TRAF3IP2: variants seen among roughly 807,000 people sequenced by gnomAD.
TRAF3IP2 encodes the protein E3 ubiquitin ligase TRAF3IP2.
In TRAF3IP2, 35 loss-of-function variants were observed where a neutral mutation model predicts 57.9. That is an observed-to-expected ratio of 0.60 (90% CI 0.46 to 0.80). The LOEUF (loss-of-function observed/expected upper bound fraction) is 0.80, where lower values mean the gene tolerates loss of function less well. Among genes scored for constraint, TRAF3IP2 ranks in the 30% least tolerant of loss-of-function variants. The pLI, the probability that TRAF3IP2 is intolerant of heterozygous loss-of-function variation, is 0.00. For synonymous variants in TRAF3IP2, 251 were observed against 268.9 expected (o/e 0.93, Z 0.65); for missense variants, 556 against 706.4 (o/e 0.79, Z 2.41).
At chr6:111,563,739 C>T (rs1795531923) in intron 7 of TRAF3IP2, among the ~76,000 whole-genome samples, 1 of 152,150 alleles carries the variant, frequency 6.6e-6, no homozygotes, top group Non-Finnish European at 1.5e-5. Context: ...GTGGTTGGGA[C>T]CAGCTACTAA....
At chr6:111,600,477 G>A (rs1796830383) in intron 1 of TRAF3IP2, 1 of 152,188 alleles carries the variant, frequency 6.6e-6, no homozygotes, top group African/African-American at 2.4e-5. Flanking sequence ...AACAAGTGAT[G>A]GGTGAAGCCA....
intron 6 of TRAF3IP2, 72 bp from the exon 7 acceptor site, chr6:111,566,632 G>T: frequency 1.5e-6 from 2 of 1,292,576 alleles, no homozygotes; most frequent in African/African-American, 1.5e-5. Context: ...TCTGACACAC[G>T]GGGTGGAGGG....
intron 1 of TRAF3IP2, chr6:111,601,868 T>C (rs951410570): frequency 6.6e-6 from 1 of 152,176 alleles, no homozygotes; most frequent in Non-Finnish European, 1.5e-5. Flanking sequence ...TAAAAAAAAA[T>C]CTTTAAACTC....
At chr6:111,575,370 C>T (rs1392262773) in intron 4 of TRAF3IP2, among the ~76,000 whole-genome samples, 2 of 151,840 alleles carry the variant, frequency 1.3e-5, no homozygotes, top group African/African-American at 2.4e-5. Context: ...AGGTGGATCA[C>T]GAGGTGAAGA....
intron 5 of TRAF3IP2, among the ~76,000 whole-genome samples, chr6:111,571,529 T>C (rs906491243): frequency 2.0e-5 from 3 of 152,224 alleles, no homozygotes; most frequent in African/African-American, 7.2e-5. Context: ...TGCTTTCTTA[T>C]ACCAGAAATG....
At chr6:111,572,097 A>C (rs189161945) in intron 5 of TRAF3IP2, among the ~76,000 whole-genome samples, 6 of 152,300 alleles carry the variant, frequency 3.9e-5, no homozygotes, top group Non-Finnish European at 7.4e-5. Context: ...TCACTAGAAA[A>C]GGCCTAGAAG....
chr6:111,574,690 T>G (rs1795927775), intron 4 of TRAF3IP2: 1 of 152,174 alleles, frequency 6.6e-6, no homozygotes, highest in Admixed American at 6.5e-5. Context: ...CAATACCACA[T>G]GGACATCCAA....
intron 3 of TRAF3IP2, among the ~76,000 whole-genome samples, chr6:111,579,977 C>T (rs1042153366): frequency 1.3e-5 from 2 of 152,166 alleles, no homozygotes; most frequent in Admixed American, 6.5e-5. Flanking sequence ...AAGAGAATTT[C>T]GACTAGTCAC....
chr6:111,604,707 G>A (rs535820546), intron 1 of TRAF3IP2, among the ~76,000 whole-genome samples: 16 of 152,306 alleles, frequency 1.1e-4, no homozygotes, highest in Non-Finnish European at 2.2e-4. Flanking sequence ...ATGGAAGGGG[G>A]GTGAGCACCT....
rs1019763748 is a variant in TRAF3IP2 at position 111,562,141 on chromosome 6, G to A, written c.1551+824C>T. On this transcript the variant is annotated intron_variant, in intron 8 of 8. Transcript: ENST00000368761. ...TTCCCTTTGCCAAGCATGGAATGTG[G>A]CCTCAGGTGGTTTTGCCCCCATTCT... Among the ~76,000 whole-genome samples, 7 of 152,210 alleles carry A rather than the reference G, an allele frequency of 4.6e-5. No individual in the cohort carries two copies. In the East Asian group the frequency reaches 1.3e-3, roughly 29 times the overall value.
At chr6:111,595,365 C>A (rs748039294) in intron 1 of TRAF3IP2, among the ~76,000 whole-genome samples, 1 of 152,160 alleles carries the variant, frequency 6.6e-6, no homozygotes, top group Non-Finnish European at 1.5e-5. Flanking sequence ...ACAAAATGGA[C>A]CCTGGTGTTT....
intron 8 of TRAF3IP2, among the ~76,000 whole-genome samples, chr6:111,561,147 A>G (rs1201035041): frequency 6.6e-6 from 1 of 150,842 alleles, no homozygotes; most frequent in Non-Finnish European, 1.5e-5. Context: ...GCACCACTGC[A>G]CTCCAGCCTG....
chr6:111,584,512 AG>A (rs1796270476), intron 2 of TRAF3IP2, among the ~76,000 whole-genome samples: 1 of 152,094 alleles, frequency 6.6e-6, no homozygotes. Context: ...TGTATGGAAA[AG>A]GTTCCTAAAT....
At chr6:111,586,165 C>T (rs1382202961) in intron 2 of TRAF3IP2, among the ~76,000 whole-genome samples, 1 of 151,934 alleles carries the variant, frequency 6.6e-6, no homozygotes, top group Non-Finnish European at 1.5e-5. Flanking sequence ...AAAGGCAACT[C>T]CTTCTTTATC....
intron 3 of TRAF3IP2, chr6:111,576,974 A>G (rs1028839422): frequency 6.6e-6 from 1 of 152,140 alleles, no homozygotes; most frequent in African/African-American, 2.4e-5. Flanking sequence ...AGGAATTCTA[A>G]AAGTCTTATG....
chr6:111,585,927 G>A (rs544218495), intron 2 of TRAF3IP2, among the ~76,000 whole-genome samples: 13 of 152,176 alleles, frequency 8.5e-5, no homozygotes, highest in Admixed American at 4.6e-4. Context: ...TTTACCATTT[G>A]GAATATGTAA....
rs1795696831 is a variant in TRAF3IP2 at position 111,567,673 on chromosome 6, C to T, written c.1310G>A (p.Arg437Lys). The T allele has an allele frequency of 6.2e-7, 1 of 1,607,774 alleles. No individual in the cohort carries two copies. Among genetic ancestry groups the T allele is most frequent in the Non-Finnish European group, 8.5e-7 (1 of 1,177,722 alleles). ...FQTAIDIFED[R>K]IRGIDIIKWM... ...TTTAATGATATCAATGCCTCGGATT[C>T]TATCCTCAAATATGTCAATCTGCAA... is the stretch of plus-strand genomic sequence containing the variant. Residue 437 changes from arginine to lysine, a missense_variant, in exon 6 of 9, where the codon AGA (arginine) becomes AAA (lysine). Transcript: ENST00000368761.
intron 2 of TRAF3IP2, among the ~76,000 whole-genome samples, chr6:111,583,153 T>C (rs1027621695): frequency 6.6e-6 from 1 of 152,232 alleles, no homozygotes; most frequent in South Asian, 2.1e-4. Context: ...GCATGGACTG[T>C]GTCCTCTTAC....
At chr6:111,594,989 T>C (rs555234767) in intron 1 of TRAF3IP2, among the ~76,000 whole-genome samples, 2 of 152,230 alleles carry the variant, frequency 1.3e-5, no homozygotes, top group Non-Finnish European at 2.9e-5. Context: ...CCCAACACTT[T>C]GGAAGGCCAA....
Sources: allele counts gnomAD v4.1 joint callset (sites outside exome capture counted in the v4.1 genomes callset), GRCh38; gene constraint gnomAD v4.1.1; transcripts MANE v1.5; gene names NCBI Gene and HGNC (gene_info 2026-07-23, HGNC 2026-07-21).